Variants in GALNT11 observed in about 807,000 individuals in gnomAD.
GALNT11 encodes the protein polypeptide N-acetylgalactosaminyltransferase 11.
Under a neutral mutation model 72.7 loss-of-function variants are expected in GALNT11, and 47 were observed. The observed-to-expected ratio is 0.65, with a 90% CI of 0.51 to 0.82. GALNT11 has a LOEUF of 0.82. Among genes scored for constraint, GALNT11 ranks in the 40% least tolerant of loss-of-function variants. The pLI is 0.00. For synonymous variants in GALNT11, 270 were observed against 286.6 expected (o/e 0.94, Z 0.58); for missense variants, 677 against 778.4 (o/e 0.87, Z 1.55).
intron 8 of GALNT11, among the ~76,000 whole-genome samples, chr7:152,113,869 T>C (rs2088549984): frequency 6.6e-6 from 1 of 151,644 alleles, no homozygotes; most frequent in Non-Finnish European, 1.5e-5. Flanking sequence ...CCCAAGTAGC[T>C]GGGACTATAG....
intron 1 of GALNT11, among the ~76,000 whole-genome samples, chr7:152,030,246 C>G (rs1040536475): frequency 2.6e-5 from 4 of 152,130 alleles, no homozygotes; most frequent in African/African-American, 9.7e-5. Context: ...GACACTGATG[C>G]TACCGCTAGA....
chr7:152,031,278 G>A (rs1181153701), intron 1 of GALNT11, among the ~76,000 whole-genome samples: 1 of 152,214 alleles, frequency 6.6e-6, no homozygotes, highest in African/African-American at 2.4e-5. Context: ...GTCAGGATTA[G>A]CTAAGGGGAC....
In GALNT11 at chr7:152,094,317, C is replaced by T; in HGVS notation, c.90C>T (p.Phe30=). The stretch of plus-strand genomic sequence containing the variant: ...TTTTGCTTTTTGTTTATTTCAACTT[C>T]AGTGAAGTGACTCAGCCACTTAAGA... ...WTVLLFVYFN[F]SEVTQPLKNV... The change falls in exon 2 of 12, where the codon TTC becomes TTT. Residue 30 remains phenylalanine, a synonymous_variant. Coordinates refer to ENST00000430044, the MANE Select transcript of GALNT11 (RefSeq NM_022087.4). The surrounding 1 kb of genome is among the most constrained non-coding windows in gnomAD (Gnocchi z 4.3). 3.1e-6 allele frequency: 5 copies of T among 1,614,116 alleles called. No individual in the cohort carries two copies. The highest frequency in any genetic ancestry group is 4.2e-6 in the Non-Finnish European group (5 of 1,180,008).
intron 1 of GALNT11, among the ~76,000 whole-genome samples, chr7:152,052,220 G>T (rs1266894458): frequency 6.6e-6 from 1 of 151,968 alleles, no homozygotes; most frequent in East Asian, 1.9e-4. Context: ...ATATTCCATT[G>T]TGTGTATATA....
chr7:152,078,093 AG>A (rs986500863), intron 1 of GALNT11, among the ~76,000 whole-genome samples: 5 of 151,860 alleles, frequency 3.3e-5, no homozygotes, highest in African/African-American at 9.7e-5. Flanking sequence ...ATGAAGCGTG[AG>A]GGGGGAAGGC....
intron 1 of GALNT11, among the ~76,000 whole-genome samples, chr7:152,042,459 G>A (rs1045134173): frequency 1.6e-4 from 24 of 152,136 alleles, no homozygotes; most frequent in African/African-American, 5.6e-4. Flanking sequence ...GTCTTCTAAA[G>A]CCTCCAGTTT....
intron 1 of GALNT11, among the ~76,000 whole-genome samples, chr7:152,035,174 A>C (rs2082503712): frequency 6.6e-6 from 1 of 152,116 alleles, no homozygotes; most frequent in African/African-American, 2.4e-5. Flanking sequence ...CTGAGGAGGG[A>C]TCCTAAAATT....
intron 1 of GALNT11, among the ~76,000 whole-genome samples, chr7:152,032,685 CA>C (rs2082361864): frequency 6.6e-6 from 1 of 152,156 alleles, no homozygotes; most frequent in South Asian, 2.1e-4. Flanking sequence ...ACTGGGCAGG[CA>C]TTTTTTGCCC....
intron 1 of GALNT11, among the ~76,000 whole-genome samples, chr7:152,049,414 T>C (rs1229521839): frequency 6.6e-6 from 1 of 152,236 alleles, no homozygotes; most frequent in Non-Finnish European, 1.5e-5. Context: ...TGGTCTTAGA[T>C]AAGATCTAGA....
At chr7:152,102,540 C>T (rs1215739798) in intron 3 of GALNT11, among the ~76,000 whole-genome samples, 3 of 151,294 alleles carry the variant, frequency 2.0e-5, no homozygotes, top group African/African-American at 4.9e-5. Flanking sequence ...GACACCGTCT[C>T]AAAAAAAGAA....
intron 1 of GALNT11, among the ~76,000 whole-genome samples, chr7:152,080,903 G>C (rs1455811057): frequency 2.0e-5 from 3 of 152,138 alleles, no homozygotes; most frequent in African/African-American, 7.2e-5. Flanking sequence ...CCAGGAGGCA[G>C]AGGTTGCAGT....
intron 1 of GALNT11, among the ~76,000 whole-genome samples, chr7:152,053,744 A>G (rs2083510190): frequency 6.6e-6 from 1 of 152,250 alleles, no homozygotes; most frequent in Admixed American, 6.5e-5. Context: ...CTATAATCCC[A>G]GCACTTTGGG....
chr7:152,098,176 G>A (rs752676370), intron 2 of GALNT11, among the ~76,000 whole-genome samples: 2 of 152,134 alleles, frequency 1.3e-5, no homozygotes, highest in African/African-American at 2.4e-5. Flanking sequence ...TATTGGCCAG[G>A]CATGGTGGCT....
intron 1 of GALNT11, among the ~76,000 whole-genome samples, chr7:152,047,370 A>G (rs2083181548): frequency 1.3e-5 from 2 of 152,156 alleles, no homozygotes; most frequent in African/African-American, 2.4e-5. Flanking sequence ...AGACTGAGGC[A>G]GGAGAATCAC....
intron 10 of GALNT11, 168 bp from the exon 11 acceptor site, chr7:152,120,663 G>A (rs2089340775): frequency 1.6e-6 from 1 of 609,244 alleles, no homozygotes; most frequent in Non-Finnish European, 2.9e-6. Context: ...TCCTGCCTTA[G>A]CTATCTGAAG....
chr7:152,052,412 A>G (rs1340724351), intron 1 of GALNT11, among the ~76,000 whole-genome samples: 1 of 152,180 alleles, frequency 6.6e-6, no homozygotes, highest in Admixed American at 6.5e-5. Flanking sequence ...GTATATATTT[A>G]TACAGTATAC....
chr7:152,032,132 G>T (rs188061594), intron 1 of GALNT11, among the ~76,000 whole-genome samples: 2 of 151,184 alleles, frequency 1.3e-5, no homozygotes, highest in African/African-American at 4.8e-5. Context: ...TGAGGCTTCC[G>T]AACTGGTAGC....
chr7:152,115,433 T>C (rs1330201020), intron 8 of GALNT11, among the ~76,000 whole-genome samples: 1 of 152,216 alleles, frequency 6.6e-6, no homozygotes, highest in East Asian at 1.9e-4. Context: ...TCAATGTGCC[T>C]TTTTAGTATC....
At chr7:152,098,595 C>T (rs1454641885) in intron 2 of GALNT11, among the ~76,000 whole-genome samples, 1 of 152,074 alleles carries the variant, frequency 6.6e-6, no homozygotes, top group Non-Finnish European at 1.5e-5. Flanking sequence ...ACAATCTTTT[C>T]ATATGGAATC....
Sources: gnomAD v4.1 joint callset for allele counts (sites outside exome capture counted in the v4.1 genomes callset) on GRCh38, gnomAD v4.1.1 for gene constraint, Gnocchi (gnomAD v3.1) non-coding constraint, MANE v1.5 for transcripts, NCBI Gene and HGNC (gene_info 2026-07-23, HGNC 2026-07-21) for gene names.